The following RAB33A variants were observed in gnomAD, a reference collection of about 807,000 sequenced individuals.
RAB33A encodes ras-related protein Rab-33A.
Under a neutral mutation model 12.0 loss-of-function variants are expected in RAB33A, and 6 were observed. That is an observed-to-expected ratio of 0.50 (90% CI 0.27 to 0.99). The LOEUF (loss-of-function observed/expected upper bound fraction) is 0.99. Ranked by LOEUF, RAB33A falls within the 50% of genes least tolerant of loss-of-function variation. The probability of loss-of-function intolerance (pLI) is 0.11; values close to 1 mark genes in which losing one functional copy is unlikely to be tolerated. For missense variants in RAB33A, 109 were observed against 192.0 expected, an observed-to-expected ratio of 0.57 and a Z score of 2.55; for synonymous variants, 70 against 82.4, an observed-to-expected ratio of 0.85 and a Z score of 0.81.
the RAB33A span, chrX:130,129,732 G>C: frequency 1.2e-6 from 1 of 827,329 alleles, no homozygotes; most frequent in Non-Finnish European, 1.8e-6. Context: ...CACACTGGGA[G>C]GGAGTTGTGG....
intron 1 of RAB33A, among the ~76,000 whole-genome samples, chrX:130,183,071 A>AT (rs752360241): frequency 1.9e-5 from 2 of 105,323 alleles, no homozygotes; most frequent in Non-Finnish European, 3.9e-5. Context: ...GGCCTGGCTA[A>AT]TTTTTTTTGT....
chrX:130,110,881 A>AG, the RAB33A span, among the ~76,000 whole-genome samples: 2 of 54 alleles, frequency 0.037, no homozygotes, highest in East Asian at 0.33. Flanking sequence ...AGCGAGCGAA[A>AG]GGGGAAATGC....
the RAB33A span, among the ~76,000 whole-genome samples, chrX:130,144,598 C>A: frequency 9.0e-6 from 1 of 111,598 alleles, no homozygotes; most frequent in South Asian, 3.7e-4. Context: ...CATAAGATTG[C>A]CCATTCTGTA....
the RAB33A span, among the ~76,000 whole-genome samples, chrX:130,153,175 A>C: frequency 8.4e-5 from 7 of 82,918 alleles, no homozygotes; most frequent in East Asian, 2.3e-3. Flanking sequence ...TCTACTAAAA[A>C]TACAAAAAAA....
intron 1 of RAB33A, among the ~76,000 whole-genome samples, chrX:130,181,112 G>C (rs1269517604): frequency 9.2e-6 from 1 of 108,310 alleles, no homozygotes; most frequent in Admixed American, 1.0e-4. Flanking sequence ...TAGTCCAGGA[G>C]TGAGGAGAGG....
At chrX:130,154,972 G>A in the RAB33A span, among the ~76,000 whole-genome samples, 1 of 112,311 alleles carries the variant, frequency 8.9e-6, no homozygotes, top group South Asian at 3.7e-4. Context: ...ATATCTGGTA[G>A]GACTTCAACA....
chrX:130,164,832 C>G, the RAB33A span, among the ~76,000 whole-genome samples: 1 of 111,897 alleles, frequency 8.9e-6, no homozygotes, highest in Non-Finnish European at 1.9e-5. Flanking sequence ...AATTTCACCT[C>G]TCTGTGCCTC....
chrX:130,114,468 G>A, the RAB33A span, among the ~76,000 whole-genome samples: 5 of 112,571 alleles, frequency 4.4e-5, no homozygotes, highest in Non-Finnish European at 9.4e-5. Context: ...CCCAAGCCAG[G>A]TGGGGCCAGC....
the RAB33A span, among the ~76,000 whole-genome samples, chrX:130,166,676 C>T: frequency 8.9e-6 from 1 of 112,305 alleles, no homozygotes; most frequent in Non-Finnish European, 1.9e-5. Flanking sequence ...TGAGCACTTA[C>T]CTCTTGGATT....
chrX:130,113,469 G>A, the RAB33A span, among the ~76,000 whole-genome samples: 1 of 105,481 alleles, frequency 9.5e-6, no homozygotes, highest in African/African-American at 3.5e-5. Flanking sequence ...TCTTGCCCAG[G>A]CTGGAGTGCA....
chrX:130,142,523 T>C, the RAB33A span, among the ~76,000 whole-genome samples: 2 of 112,126 alleles, frequency 1.8e-5, no homozygotes, highest in Non-Finnish European at 3.8e-5. Flanking sequence ...TCCCATCCAA[T>C]AGGTCCCACC....
At chrX:130,136,687 C>G in the RAB33A span, 1 of 1,208,686 alleles carries the variant, frequency 8.3e-7, no homozygotes, top group Non-Finnish European at 1.1e-6. Flanking sequence ...CCACTGCTGA[C>G]TCCAACGGAT....
the RAB33A span, among the ~76,000 whole-genome samples, chrX:130,125,040 C>T: frequency 2.7e-5 from 3 of 111,500 alleles, no homozygotes; most frequent in East Asian, 2.8e-4. Context: ...GATTATGGAG[C>T]GGTCTTGTTT....
upstream of RAB33A, among the ~76,000 whole-genome samples, chrX:130,169,207 CAAAAA>C (rs150861385): frequency 1.5e-5 from 1 of 67,497 alleles, no homozygotes; most frequent in African/African-American, 5.2e-5. Flanking sequence ...GACTCCATCT[CAAAAA>C]AAAAAAAAAA....
At chrX:130,143,725 C>T in the RAB33A span, among the ~76,000 whole-genome samples, 7 of 109,366 alleles carry the variant, frequency 6.4e-5, no homozygotes, top group South Asian at 2.7e-3. Context: ...GGCATGGTGG[C>T]GCATGCAGCT....
chrX:130,126,908 C>T, the RAB33A span, among the ~76,000 whole-genome samples: 1 of 112,360 alleles, frequency 8.9e-6, no homozygotes, highest in South Asian at 3.7e-4. Context: ...CCAACTGGTA[C>T]CATGCCACCA....
upstream of RAB33A, among the ~76,000 whole-genome samples, chrX:130,168,661 G>T (rs769932920): frequency 8.9e-6 from 1 of 111,958 alleles, no homozygotes; most frequent in African/African-American, 3.2e-5. Context: ...AAAGTGTTGG[G>T]ATTACACGTG....
the RAB33A span, chrX:130,145,522 G>A: frequency 2.5e-6 from 3 of 1,210,469 alleles, no homozygotes; most frequent in Non-Finnish European, 3.4e-6. Flanking sequence ...CTCAATATGA[G>A]GCAGGTCCTG....
the RAB33A span, among the ~76,000 whole-genome samples, chrX:130,144,654 G>A: frequency 9.0e-6 from 1 of 111,290 alleles, no homozygotes; most frequent in African/African-American, 3.3e-5. Flanking sequence ...TCACTCTACT[G>A]GGCACCCTTC....
Sources: allele counts gnomAD v4.1 joint callset (sites outside exome capture counted in the v4.1 genomes callset), GRCh38; gene constraint gnomAD v4.1.1; transcripts MANE v1.5; gene names NCBI Gene and HGNC (gene_info 2026-07-23, HGNC 2026-07-21).